The following CCDC178 variants were observed in gnomAD, a reference collection of about 807,000 sequenced individuals.
CCDC178 encodes the protein coiled-coil domain-containing protein 178.
In CCDC178, 126 loss-of-function variants were observed where a neutral mutation model predicts 117.4. That is an observed-to-expected ratio of 1.07 (90% confidence interval 0.93 to 1.24). CCDC178 has a LOEUF of 1.24. CCDC178 is among the 50% of genes most tolerant of loss of function. The pLI is 0.00. For synonymous variants in CCDC178, 283 were observed against 313.4 expected, an observed-to-expected ratio of 0.90 and a Z score of 1.02; for missense variants, 1,030 against 986.9, an observed-to-expected ratio of 1.04 and a Z score of -0.59.
intron 20 of CCDC178, among the ~76,000 whole-genome samples, chr18:33,183,598 C>A (rs1438805951): frequency 2.0e-5 from 3 of 152,016 alleles, no homozygotes; most frequent in East Asian, 3.9e-4. Context: ...AGAAATACTG[C>A]CGTAAATACA....
At chr18:33,325,582 A>C (rs2062573799) in intron 10 of CCDC178, among the ~76,000 whole-genome samples, 1 of 152,120 alleles carries the variant, frequency 6.6e-6, no homozygotes, top group South Asian at 2.1e-4. Flanking sequence ...CAATATTGAA[A>C]TTATTCATCT....
At chr18:33,428,742 A>G (rs1466386034) in intron 2 of CCDC178, among the ~76,000 whole-genome samples, 2 of 150,906 alleles carry the variant, frequency 1.3e-5, no homozygotes, top group African/African-American at 4.9e-5. Flanking sequence ...AAAAAAAAAA[A>G]AAAAAAAAAA....
chr18:33,223,268 T>C (rs1326316511), intron 17 of CCDC178, 49 bp from the exon 18 acceptor site: 2 of 1,523,334 alleles, frequency 1.3e-6, no homozygotes, highest in African/African-American at 1.4e-5. Flanking sequence ...AACCCAGTTA[T>C]CCTCATTTAG....
intron 9 of CCDC178, among the ~76,000 whole-genome samples, chr18:33,338,874 C>T (rs1475384068): frequency 2.0e-5 from 3 of 151,732 alleles, no homozygotes; most frequent in Non-Finnish European, 4.4e-5. Context: ...ACCTGTTCCC[C>T]AAAAACCTAA....
intron 21 of CCDC178, among the ~76,000 whole-genome samples, chr18:33,051,783 G>A (rs74671333): frequency 0.013 from 2,047 of 152,278 alleles, 23 homozygotes; most frequent in Non-Finnish European, 0.022. Context: ...TTTTTAAACA[G>A]TCTTTGTTAA....
intron 20 of CCDC178, among the ~76,000 whole-genome samples, chr18:33,191,496 G>A (rs972711301): frequency 6.6e-6 from 1 of 152,080 alleles, no homozygotes; most frequent in Non-Finnish European, 1.5e-5. Flanking sequence ...ATTAGGTTCA[G>A]AGCAGGCTAT....
intron 20 of CCDC178, among the ~76,000 whole-genome samples, chr18:33,109,879 A>G (rs970808323): frequency 6.6e-6 from 1 of 151,502 alleles, no homozygotes; most frequent in East Asian, 1.9e-4. Context: ...TCCATAAATT[A>G]ATTTGGGAGC....
chr18:33,056,363 T>G (rs2098318385), intron 21 of CCDC178, among the ~76,000 whole-genome samples: 3 of 152,196 alleles, frequency 2.0e-5, no homozygotes, highest in African/African-American at 7.2e-5. Flanking sequence ...AATTTGTTTC[T>G]AAGATTGTCA....
intron 21 of CCDC178, among the ~76,000 whole-genome samples, chr18:33,075,979 T>C (rs796847124): frequency 5.3e-5 from 8 of 152,284 alleles, no homozygotes; most frequent in African/African-American, 1.7e-4. Flanking sequence ...GAAAAAAAAT[T>C]ATGTAGATAT....
chr18:32,944,270 G>A (rs1304997863), intron 22 of CCDC178, among the ~76,000 whole-genome samples: 1 of 152,124 alleles, frequency 6.6e-6, no homozygotes, highest in African/African-American at 2.4e-5. Context: ...TGTGTAAGCT[G>A]GTCCTTGAAA....
chr18:33,116,846 A>T (rs983055049), intron 20 of CCDC178, among the ~76,000 whole-genome samples: 2 of 152,142 alleles, frequency 1.3e-5, no homozygotes, highest in Non-Finnish European at 2.9e-5. Flanking sequence ...ACAGGGTCCT[A>T]TATTATATGC....
At chr18:33,183,682 G>T (rs191936374) in intron 20 of CCDC178, among the ~76,000 whole-genome samples, 1 of 151,918 alleles carries the variant, frequency 6.6e-6, no homozygotes, top group Non-Finnish European at 1.5e-5. Context: ...CACTGACACT[G>T]GCGCTATTGG....
At chr18:33,030,578 T>C (rs547586080) in intron 21 of CCDC178, among the ~76,000 whole-genome samples, 112 of 144,490 alleles carry the variant, frequency 7.8e-4, no homozygotes, top group African/African-American at 2.3e-3. Context: ...GAGGTAGATA[T>C]AGATATGAGA....
At chr18:33,001,135 G>A (rs1032419031) in intron 21 of CCDC178, among the ~76,000 whole-genome samples, 3 of 152,182 alleles carry the variant, frequency 2.0e-5, no homozygotes, top group African/African-American at 7.2e-5. Flanking sequence ...GATGCAATCT[G>A]TGTTATCATC....
intron 2 of CCDC178, among the ~76,000 whole-genome samples, chr18:33,423,078 C>A (rs2064052577): frequency 6.6e-6 from 1 of 152,118 alleles, no homozygotes; most frequent in African/African-American, 2.4e-5. Context: ...CATTTTCTCT[C>A]ACAATTGTAT....
chr18:33,424,493 T>C (rs1249751552), intron 2 of CCDC178, among the ~76,000 whole-genome samples: 1 of 152,226 alleles, frequency 6.6e-6, no homozygotes, highest in Non-Finnish European at 1.5e-5. Context: ...ATATAACCTA[T>C]TTGTGTAAGT....
chr18:33,052,387 T>C (rs1049862083), intron 21 of CCDC178, among the ~76,000 whole-genome samples: 2 of 152,160 alleles, frequency 1.3e-5, no homozygotes, highest in Admixed American at 1.3e-4. Context: ...TAGTACATAA[T>C]AGGGTAACAA....
intron 20 of CCDC178, among the ~76,000 whole-genome samples, chr18:33,180,047 A>G (rs907119323): frequency 6.6e-6 from 1 of 151,972 alleles, no homozygotes; most frequent in African/African-American, 2.4e-5. Flanking sequence ...CTTTTATGCA[A>G]AGCACTTAAG....
At chr18:33,140,782 T>C (rs1453344684) in intron 20 of CCDC178, among the ~76,000 whole-genome samples, 3 of 152,154 alleles carry the variant, frequency 2.0e-5, no homozygotes, top group Non-Finnish European at 4.4e-5. Flanking sequence ...GAAGGCATGA[T>C]TGGTTTTGAA....
Sources: gnomAD v4.1 joint callset for allele counts (sites outside exome capture counted in the v4.1 genomes callset) on GRCh38, gnomAD v4.1.1 for gene constraint, MANE v1.5 for transcripts, NCBI Gene and HGNC (gene_info 2026-07-23, HGNC 2026-07-21) for gene names.